NEDD4: variants seen among roughly 807,000 people sequenced by gnomAD.
The protein encoded by NEDD4 is E3 ubiquitin-protein ligase NEDD4.
A neutral mutation model predicts 144.9 loss-of-function variants in NEDD4; 99 were observed. The ratio of observed to expected loss-of-function variants is 0.68; its 90% CI spans 0.58 to 0.81. The LOEUF is 0.81. Among genes scored for constraint, NEDD4 ranks in the 30% least tolerant of loss-of-function variants. The probability of loss-of-function intolerance (pLI) is 0.00; values close to 1 mark genes in which losing one functional copy is unlikely to be tolerated. For missense variants in NEDD4, 985 were observed against 1,065.9 expected (o/e 0.92, Z 1.06); for synonymous variants, 318 against 350.6 (o/e 0.91, Z 1.04).
chr15:55,965,895 G>A (rs557336145), intron 2 of NEDD4, among the ~76,000 whole-genome samples: 67 of 152,090 alleles, frequency 4.4e-4, no homozygotes, highest in Admixed American at 7.9e-4. Flanking sequence ...CAACTGATCC[G>A]CCTGCCTCGG....
At chr15:55,865,340 A>G (rs1320450804) in intron 8 of NEDD4, among the ~76,000 whole-genome samples, 1 of 152,104 alleles carries the variant, frequency 6.6e-6, no homozygotes, top group Non-Finnish European at 1.5e-5. Context: ...CATGCCTTAT[A>G]TCAGGATAAG....
chr15:55,965,003 C>T (rs1292838317), intron 2 of NEDD4, among the ~76,000 whole-genome samples: 1 of 151,928 alleles, frequency 6.6e-6, no homozygotes, highest in Non-Finnish European at 1.5e-5. Flanking sequence ...GTCCCCTTCC[C>T]GTTTCTGTCA....
At chr15:55,906,272 CCA>C (rs1319127965) in intron 5 of NEDD4, among the ~76,000 whole-genome samples, 4 of 152,104 alleles carry the variant, frequency 2.6e-5, no homozygotes, top group Admixed American at 2.6e-4. Flanking sequence ...CCCAGCCATC[CCA>C]TTACTGGGTA....
At chr15:55,957,001 T>C (rs1447504697) in intron 2 of NEDD4, among the ~76,000 whole-genome samples, 5 of 152,228 alleles carry the variant, frequency 3.3e-5, no homozygotes, top group Admixed American at 6.5e-5. Flanking sequence ...TCAGTGTCCA[T>C]TTATTACAAA....
At chr15:55,842,658 A>G (rs1186434050) in intron 18 of NEDD4, among the ~76,000 whole-genome samples, 2 of 152,226 alleles carry the variant, frequency 1.3e-5, no homozygotes, top group African/African-American at 2.4e-5. Context: ...GATTACAGGC[A>G]TAAGCCATGG....
chr15:55,948,339 G>A (rs2037164742), intron 4 of NEDD4, among the ~76,000 whole-genome samples: 1 of 152,176 alleles, frequency 6.6e-6, no homozygotes, highest in African/African-American at 2.4e-5. Context: ...CCATACTCAT[G>A]GATAGGAAGA....
In NEDD4 at chr15:55,851,966, T is replaced by C. The variant is rs185544994; in HGVS notation, c.1146+458A>G. Among the ~76,000 whole-genome samples, 7 of 152,218 alleles carry C rather than the reference T, an allele frequency of 4.6e-5. No individual in the cohort carries two copies. In the East Asian group the frequency reaches 9.7e-4, roughly 21 times the overall value. On this transcript the variant is annotated intron_variant, in intron 13 of 28. Transcript: ENST00000435532. ...TATATTAGAGATTCATAGGAAAAGG[T>C]AGACACTTAACATCAGTGTCAGAAT...
chr15:55,916,074 C>T (rs2036432378), intron 5 of NEDD4: 2 of 1,613,866 alleles, frequency 1.2e-6, no homozygotes, highest in Non-Finnish European at 1.7e-6. Context: ...TGTGTTCCTG[C>T]TCACTGGCAA....
At chr15:55,978,942 G>T (rs1277848683) in intron 1 of NEDD4, among the ~76,000 whole-genome samples, 1 of 139,858 alleles carries the variant, frequency 7.2e-6, no homozygotes, top group African/African-American at 2.6e-5. Context: ...AAAAAAACAA[G>T]AACAGAAAAC....
intron 5 of NEDD4, chr15:55,916,886 C>G (rs1217092701): frequency 1.2e-5 from 19 of 1,533,404 alleles, no homozygotes; most frequent in Admixed American, 2.1e-5. Flanking sequence ...AGATCTCTGT[C>G]CGTAGACAGG....
chr15:55,905,420 T>C (rs1048534522), intron 5 of NEDD4: 39 of 376,534 alleles, frequency 1.0e-4, no homozygotes, highest in African/African-American at 8.1e-4. Context: ...TTACAGAACC[T>C]CCAGGCAACT....
At chr15:55,984,336 G>A (rs1192590436) in intron 1 of NEDD4, among the ~76,000 whole-genome samples, 2 of 152,190 alleles carry the variant, frequency 1.3e-5, no homozygotes, top group African/African-American at 4.8e-5. Flanking sequence ...ACTGGGAGAA[G>A]GTTCTTGAAC....
At chr15:55,973,219 A>T (rs1454118174) in intron 1 of NEDD4, among the ~76,000 whole-genome samples, 1 of 152,222 alleles carries the variant, frequency 6.6e-6, no homozygotes, top group African/African-American at 2.4e-5. Flanking sequence ...CTCAAGGATA[A>T]ACCACATGTT....
intron 18 of NEDD4, among the ~76,000 whole-genome samples, chr15:55,842,762 C>A (rs186387286): frequency 6.6e-6 from 1 of 152,252 alleles, no homozygotes; most frequent in East Asian, 1.9e-4. Flanking sequence ...CAATGAACAC[C>A]GTTCTGTGAC....
intron 5 of NEDD4, chr15:55,915,928 AAAT>A (rs1462945840): frequency 6.2e-7 from 1 of 1,613,894 alleles, no homozygotes; most frequent in Non-Finnish European, 8.5e-7. Context: ...TCACTAGGAG[AAAT>A]AATAAACTGG....
intron 4 of NEDD4, among the ~76,000 whole-genome samples, chr15:55,940,426 T>C (rs1482572007): frequency 6.6e-6 from 1 of 152,074 alleles, no homozygotes; most frequent in East Asian, 1.9e-4. Flanking sequence ...AGTTAAAATT[T>C]TGTTTAAATG....
chr15:55,912,848 A>G (rs1269210944), intron 5 of NEDD4, among the ~76,000 whole-genome samples: 3 of 152,180 alleles, frequency 2.0e-5, no homozygotes, highest in Admixed American at 6.5e-5. Flanking sequence ...TATGTAATAA[A>G]CATATGCCAG....
At chr15:55,896,586 G>A (rs2035746928) in intron 5 of NEDD4, among the ~76,000 whole-genome samples, 1 of 151,948 alleles carries the variant, frequency 6.6e-6, no homozygotes, top group Non-Finnish European at 1.5e-5. Flanking sequence ...CTGTATTATA[G>A]TTCTCTTGCA....
rs2033091100 is a variant in NEDD4, at chr15:55,834,226, C to T, written c.2322+1G>A. ...TTTCAACATAAAATGTTATGTCTTA[C>T]CTCTAGTTCATTTTCATCAAAAATT... On this transcript the variant is annotated splice_donor_variant, in intron 25 of 28. Coordinates refer to ENST00000435532, the MANE Select transcript of NEDD4 (RefSeq NM_006154.4). LOFTEE classifies it high-confidence loss of function. 2.5e-6 allele frequency: 4 copies of T among 1,609,092 alleles called. No homozygotes were observed. The highest frequency in any genetic ancestry group is 1.7e-5 in the Admixed American group (1 of 59,888).
Sources: gnomAD v4.1 joint callset for allele counts (sites outside exome capture counted in the v4.1 genomes callset) on GRCh38, gnomAD v4.1.1 for gene constraint, MANE v1.5 for transcripts, NCBI Gene and HGNC (gene_info 2026-07-23, HGNC 2026-07-21) for gene names.